KYAT1: variants seen among roughly 807,000 people sequenced by gnomAD.
KYAT1 encodes kynurenine aminotransferase 1.
A neutral mutation model predicts 52.4 loss-of-function variants in KYAT1; 47 were observed. The observed-to-expected ratio is 0.90, with a 90% CI of 0.71 to 1.14. The LOEUF is 1.14. Among genes scored for constraint, KYAT1 ranks in the 50% most tolerant of loss-of-function variants. The probability of loss-of-function intolerance (pLI) is 0.00; values close to 1 mark genes in which losing one functional copy is unlikely to be tolerated. For missense variants in KYAT1, 480 were observed against 557.9 expected (o/e 0.86, Z 1.41); for synonymous variants, 212 against 209.6 (o/e 1.01, Z -0.10).
intron 1 of KYAT1, among the ~76,000 whole-genome samples, chr9:128,869,780 G>A (rs1214317273): frequency 1.3e-5 from 2 of 150,232 alleles, no homozygotes; most frequent in Admixed American, 6.7e-5. Flanking sequence ...TTGAGACAGA[G>A]TCTCACTCTG....
At chr9:128,855,199 A>G (rs1027848073) in intron 1 of KYAT1, among the ~76,000 whole-genome samples, 2 of 152,160 alleles carry the variant, frequency 1.3e-5, no homozygotes, top group East Asian at 1.9e-4. Flanking sequence ...CTCAAAACCA[A>G]TTATATTATG....
At chr9:128,878,730 G>A (rs1838372918) in intron 1 of KYAT1, among the ~76,000 whole-genome samples, 1 of 152,158 alleles carries the variant, frequency 6.6e-6, no homozygotes, top group African/African-American at 2.4e-5. Context: ...CAGGCTGGAG[G>A]GGTTGGTGGA....
chr9:128,867,758 A>C (rs985659156), intron 1 of KYAT1, among the ~76,000 whole-genome samples: 3 of 151,570 alleles, frequency 2.0e-5, no homozygotes, highest in African/African-American at 7.3e-5. Flanking sequence ...TGATTTCAAA[A>C]CTTATTGCAA....
chr9:128,877,459 A>G (rs1838213979), intron 1 of KYAT1, among the ~76,000 whole-genome samples: 1 of 152,236 alleles, frequency 6.6e-6, no homozygotes, highest in South Asian at 2.1e-4. Flanking sequence ...GCTCAAAAGG[A>G]GAACAAGGAA....
intron 1 of KYAT1, among the ~76,000 whole-genome samples, chr9:128,861,106 G>A (rs1233842140): frequency 2.0e-5 from 3 of 152,324 alleles, no homozygotes; most frequent in South Asian, 4.1e-4. Context: ...TGCAAAGACC[G>A]TGATATCTGC....
chr9:128,847,415 T>C (rs765147427), intron 1 of KYAT1: 3 of 1,511,864 alleles, frequency 2.0e-6, no homozygotes, highest in South Asian at 1.2e-5. Context: ...GGCAGAGTAT[T>C]GGGGTTAGGG....
chr9:128,841,536 C>A (rs561769942), intron 3 of KYAT1, among the ~76,000 whole-genome samples: 43 of 149,162 alleles, frequency 2.9e-4, no homozygotes, highest in African/African-American at 9.1e-4. Context: ...AAAAAAAAAA[C>A]AAAACAAAAA....
chr9:128,839,296 A>T (rs1831708710), intron 3 of KYAT1, among the ~76,000 whole-genome samples: 1 of 152,184 alleles, frequency 6.6e-6, no homozygotes, highest in African/African-American at 2.4e-5. Context: ...AGAAAAATAG[A>T]GACCCAGAGA....
chr9:128,871,146 A>C (rs1312406369), intron 1 of KYAT1, among the ~76,000 whole-genome samples: 1 of 151,450 alleles, frequency 6.6e-6, no homozygotes, highest in Non-Finnish European at 1.5e-5. Context: ...GTGAAATCCC[A>C]TCTCTACAAA....
At chr9:128,873,884 T>G (rs1360247888) in intron 1 of KYAT1, among the ~76,000 whole-genome samples, 1 of 150,298 alleles carries the variant, frequency 6.7e-6, no homozygotes, top group Non-Finnish European at 1.5e-5. Flanking sequence ...AGGCAGAGGT[T>G]GCAGTGAGCA....
intron 1 of KYAT1, among the ~76,000 whole-genome samples, chr9:128,850,585 G>A (rs1387692288): frequency 1.3e-5 from 2 of 152,194 alleles, no homozygotes; most frequent in East Asian, 1.9e-4. Flanking sequence ...CGTATTGTCC[G>A]AGGTTTCTCC....
chr9:128,838,965 T>G (rs1004685573), intron 3 of KYAT1, among the ~76,000 whole-genome samples: 87 of 151,398 alleles, frequency 5.7e-4, no homozygotes, highest in Non-Finnish European at 9.0e-4. Context: ...TATTTATTTA[T>G]TTATTTATTT....
intron 7 of KYAT1, among the ~76,000 whole-genome samples, chr9:128,836,348 G>A (rs1831121430): frequency 7.2e-6 from 1 of 139,508 alleles, no homozygotes; most frequent in Non-Finnish European, 1.5e-5. Flanking sequence ...GCCCAGGCAG[G>A]AATGCAATGG....
intron 3 of KYAT1, chr9:128,841,977 A>G (rs1832272189): frequency 6.4e-6 from 1 of 157,458 alleles, no homozygotes; most frequent in African/African-American, 2.4e-5. Flanking sequence ...ATGTCACTAC[A>G]CTCTAGCCTA....
chr9:128,864,051 A>G (rs947505653), intron 1 of KYAT1, among the ~76,000 whole-genome samples: 15 of 152,000 alleles, frequency 9.9e-5, no homozygotes, highest in Non-Finnish European at 1.9e-4. Context: ...GTGGAGCCCT[A>G]CACGTCCCAC....
intron 3 of KYAT1, among the ~76,000 whole-genome samples, chr9:128,841,749 G>C (rs113961669): frequency 0.02 from 2,974 of 149,600 alleles, 106 homozygotes; most frequent in African/African-American, 0.069. Flanking sequence ...TGTAATCCCA[G>C]CACTTTTGGA....
At chr9:128,872,690 T>G (rs1435862465) in intron 1 of KYAT1, among the ~76,000 whole-genome samples, 1 of 149,506 alleles carries the variant, frequency 6.7e-6, no homozygotes, top group South Asian at 2.1e-4. Context: ...CAGCTTGAAC[T>G]CGGGAGGCGG....
At chr9:128,846,090 G>A (rs1207461283) in intron 1 of KYAT1, among the ~76,000 whole-genome samples, 2 of 152,166 alleles carry the variant, frequency 1.3e-5, no homozygotes, top group African/African-American at 2.4e-5. Flanking sequence ...CTCCCCTCCC[G>A]GTGTTCCTCC....
chr9:128,837,891 T>C, intron 5 of KYAT1, 78 bp from the exon 6 acceptor site: 3 of 1,559,794 alleles, frequency 1.9e-6, no homozygotes, highest in Non-Finnish European at 2.6e-6. Context: ...ATCCCCACCT[T>C]CTCTCCCCTG....
Sources: allele counts gnomAD v4.1 joint callset (sites outside exome capture counted in the v4.1 genomes callset), GRCh38; gene constraint gnomAD v4.1.1; transcripts MANE v1.5; gene names NCBI Gene and HGNC (gene_info 2026-07-23, HGNC 2026-07-21).